Variants in NSUN3 observed in about 807,000 individuals in gnomAD.
The protein encoded by NSUN3 is NOP2/Sun RNA methyltransferase 3.
In NSUN3, 24 loss-of-function variants were observed where a neutral mutation model predicts 36.8. The ratio of observed to expected loss-of-function variants is 0.65; its 90% CI spans 0.47 to 0.92. The LOEUF is 0.92. NSUN3 is among the 40% of genes least tolerant of loss of function. NSUN3 has a pLI of 0.00. For synonymous variants in NSUN3, 146 were observed against 145.2 expected (o/e 1.01, Z -0.04); for missense variants, 381 against 392.8 (o/e 0.97, Z 0.25).
chr3:94,120,451 C>G (rs970908849), intron 5 of NSUN3, among the ~76,000 whole-genome samples: 5 of 152,180 alleles, frequency 3.3e-5, no homozygotes, highest in African/African-American at 1.2e-4. Context: ...CCCTGGCAAC[C>G]ACCATTCTAC....
At chr3:94,088,166 C>T (rs959971547) in intron 3 of NSUN3, among the ~76,000 whole-genome samples, 1 of 152,070 alleles carries the variant, frequency 6.6e-6, no homozygotes, top group Non-Finnish European at 1.5e-5. Context: ...CCTGGAATGC[C>T]TTCTCTGAAC....
At position 94,126,541 on chromosome 3, in the gene NSUN3, T is replaced by A. The variant is rs778479982; in HGVS notation, c.*51T>A. The A allele has an allele frequency of 1.6e-5, 24 of 1,477,482 alleles. No individual in the cohort carries two copies. In the Admixed American group the frequency reaches 3.2e-4, roughly 20 times the overall value. The allele number at this position is 1,477,482 out of a possible 1,614,324, so 91.5% of individuals were successfully genotyped here. On this transcript the variant is annotated 3_prime_UTR_variant, in exon 6 of 6. Transcript: ENST00000314622. ...TGTTATTATATTTATATTTCTGAAC[T>A]CAGTACATGTTAATATTTAAATAAT...
rs2077500612 is a variant in NSUN3 at position 94,129,461 on chromosome 3, TAAAGG to T, written c.*2974_*2978del. 6.6e-6 allele frequency among the ~76,000 whole-genome samples: 1 copy of T among 151,926 alleles called. No homozygotes were observed. Among genetic ancestry groups the T allele is most frequent in the Non-Finnish European group, 1.5e-5 (1 of 67,996 alleles). ...GCTAAATATCGAGTACACATGGACA[TAAAGG>T]AACAATAGACACTGGTGACTACTAG... On this transcript the variant is annotated 3_prime_UTR_variant, in exon 6 of 6. Transcript: ENST00000314622.
At chr3:94,123,635 C>T (rs1166552064) in intron 5 of NSUN3, among the ~76,000 whole-genome samples, 1 of 152,140 alleles carries the variant, frequency 6.6e-6, no homozygotes, top group Non-Finnish European at 1.5e-5. Flanking sequence ...TCCACCCCCT[C>T]CTCTTAACTC....
chr3:94,083,238 G>T (rs1349580562), intron 2 of NSUN3, among the ~76,000 whole-genome samples: 1 of 151,898 alleles, frequency 6.6e-6, no homozygotes, highest in African/African-American at 2.4e-5. Flanking sequence ...AGAGGGTCTT[G>T]ACTGCAAGTT....
At chr3:94,110,735 T>C (rs2077412574) in intron 5 of NSUN3, among the ~76,000 whole-genome samples, 1 of 143,078 alleles carries the variant, frequency 7.0e-6, no homozygotes, top group African/African-American at 2.5e-5. Context: ...TATACATGTA[T>C]ACACACACAC....
chr3:94,077,498 GT>G (rs1252050339), intron 2 of NSUN3, among the ~76,000 whole-genome samples: 2 of 152,164 alleles, frequency 1.3e-5, no homozygotes, highest in African/African-American at 4.8e-5. Context: ...GTTTGGAATA[GT>G]TTCAGAAGGA....
chr3:94,078,935 G>A (rs1441236100), intron 2 of NSUN3, among the ~76,000 whole-genome samples: 1 of 150,838 alleles, frequency 6.6e-6, no homozygotes, highest in Non-Finnish European at 1.5e-5. Context: ...CTGTTTAAAG[G>A]TAATATCGTT....
chr3:94,113,034 T>A (rs1249555740), intron 5 of NSUN3, among the ~76,000 whole-genome samples: 1 of 151,952 alleles, frequency 6.6e-6, no homozygotes, highest in African/African-American at 2.4e-5. Flanking sequence ...CCGGCTAATT[T>A]TTTGTATTTT....
At chr3:94,076,034 G>C (rs1364830822) in intron 2 of NSUN3, 5 of 1,608,542 alleles carry the variant, frequency 3.1e-6, no homozygotes, top group Non-Finnish European at 2.6e-6. Context: ...AGGTTCATTG[G>C]GATTCCAGGA....
At chr3:94,114,688 T>C (rs2077432403) in intron 5 of NSUN3, among the ~76,000 whole-genome samples, 1 of 152,194 alleles carries the variant, frequency 6.6e-6, no homozygotes, top group Non-Finnish European at 1.5e-5. Context: ...GATGCCGAGG[T>C]TTGGGATACG....
intron 1 of NSUN3, 122 bp downstream of exon 1, chr3:94,063,260 C>G (rs2077188947): frequency 2.0e-6 from 2 of 1,000,372 alleles, no homozygotes; most frequent in Non-Finnish European, 3.2e-6. Context: ...CTCGCGAGAT[C>G]AGCGTTTCTT....
At chr3:94,080,192 G>A (rs2077261756) in intron 2 of NSUN3, among the ~76,000 whole-genome samples, 1 of 152,152 alleles carries the variant, frequency 6.6e-6, no homozygotes, top group Non-Finnish European at 1.5e-5. Flanking sequence ...GTCTGCTGGA[G>A]TTTGCTGGAG....
rs1296923376 is a variant in NSUN3 at position 94,128,558 on chromosome 3, TG to T, written c.*2069del. 4 of 137,224 alleles carry T rather than the reference TG, an allele frequency of 2.9e-5. No homozygotes were observed. Among genetic ancestry groups the T allele is most frequent in the Non-Finnish European group, 6.2e-5 (4 of 64,692 alleles). The allele number at this position is 137,224 out of a possible 1,614,324, so 8.5% of individuals were successfully genotyped here. ...GATTACTGAAAAATGGATGCACGTG[TG>T]TGTGTGTGTGTGTGTGTGTGTGTGT... On this transcript the variant is annotated 3_prime_UTR_variant, in exon 6 of 6. Transcript: ENST00000314622.
chr3:94,127,161 G>A lies in NSUN3; in HGVS notation c.*671G>A, dbSNP rs1002031280. On this transcript the variant is annotated 3_prime_UTR_variant, in exon 6 of 6. Coordinates refer to ENST00000314622, the MANE Select transcript of NSUN3 (RefSeq NM_022072.5). The stretch of plus-strand genomic sequence containing the variant: ...ATATTGAAAGGCCTTTAGAACAGCA[G>A]ATTCACATGCACATGTTTGACTTTC... 3.3e-5 allele frequency: 5 copies of A among 152,134 alleles called. No homozygotes were observed. Among genetic ancestry groups the A allele is most frequent in the African/African-American group, 7.2e-5 (3 of 41,408 alleles). The allele number at this position is 152,134 out of a possible 1,614,324, so 9.4% of individuals were successfully genotyped here.
intron 5 of NSUN3, among the ~76,000 whole-genome samples, chr3:94,107,205 A>G (rs1238115553): frequency 1.3e-5 from 2 of 152,190 alleles, no homozygotes; most frequent in African/African-American, 2.4e-5. Context: ...TTCTGGGATT[A>G]CGGGCATGAA....
chr3:94,105,350 T>A (rs1295281448), intron 5 of NSUN3, among the ~76,000 whole-genome samples: 1 of 152,204 alleles, frequency 6.6e-6, no homozygotes, highest in Non-Finnish European at 1.5e-5. Context: ...CAGCAAGATT[T>A]TCCTGGCATT....
intron 2 of NSUN3, chr3:94,076,429 C>T (rs1285296213): frequency 5.0e-6 from 4 of 794,926 alleles, no homozygotes; most frequent in Non-Finnish European, 9.2e-6. Context: ...TCATAAGTTT[C>T]TGATGATCAG....
At chr3:94,077,050 C>G in intron 2 of NSUN3, 1 of 799,300 alleles carries the variant, frequency 1.3e-6, no homozygotes, top group Non-Finnish European at 2.3e-6. Flanking sequence ...TAGGCTGGGC[C>G]ACTCCAGAGC....
Sources: allele counts gnomAD v4.1 joint callset (sites outside exome capture counted in the v4.1 genomes callset), GRCh38; gene constraint gnomAD v4.1.1; transcripts MANE v1.5; gene names NCBI Gene and HGNC (gene_info 2026-07-23, HGNC 2026-07-21).